GAN: variants seen among roughly 807,000 people sequenced by gnomAD.
The protein encoded by GAN is gigaxonin, also known as epididymis secretory sperm binding protein.
A neutral mutation model predicts 71.3 loss-of-function variants in GAN; 48 were observed. That is an observed-to-expected ratio of 0.67 (90% CI 0.53 to 0.86). GAN has a LOEUF of 0.86. Ranked by LOEUF, GAN falls within the 40% of genes least tolerant of loss-of-function variation. The pLI is 0.00. For synonymous variants in GAN, 386 were observed against 276.8 expected, an observed-to-expected ratio of 1.39 and a Z score of -3.92; for missense variants, 928 against 770.1, an observed-to-expected ratio of 1.21 and a Z score of -2.43.
chr16:81,356,834 C>A lies in GAN; in HGVS notation c.683C>A (p.Ser228Tyr), dbSNP rs1301648787. ...GCTCTGTGGGTTTCAGGGTTGGACT[C>A]CAGTTATTTACGGGAACAGATGCTG... ...MSALWVSGLD[S>Y]SYLREQMLNE... The change falls in exon 4 of 11, where the codon TCC (serine) becomes TAC (tyrosine). Residue 228 changes from serine to tyrosine, a missense_variant. Transcript: ENST00000648994. 3 of 1,613,850 alleles carry A rather than the reference C, an allele frequency of 1.9e-6. No individual in the cohort carries two copies. Among genetic ancestry groups the A allele is most frequent in the Non-Finnish European group, 2.5e-6 (3 of 1,179,796 alleles).
In GAN at chr16:81,382,684, T is replaced by C. The variant is rs1422079487; in HGVS notation, c.*5088T>C. The stretch of plus-strand genomic sequence containing the variant: ...GGATGAGAAGGGGCCCATTTGCCCA[T>C]ATTTGATAACACAGACTTGGATTGA... On this transcript the variant is annotated 3_prime_UTR_variant, in exon 11 of 11. Transcript: ENST00000648994. 2 of 152,174 alleles carry C rather than the reference T, an allele frequency of 1.3e-5. No individual in the cohort carries two copies. Among genetic ancestry groups the C allele is most frequent in the African/African-American group, 4.8e-5 (2 of 41,466 alleles). The allele number at this position is 152,174 out of a possible 1,614,324, so 9.4% of individuals were successfully genotyped here. A position where few individuals can be genotyped will look rare whatever the true frequency, so the allele number is the denominator to read the frequency against.
chr16:81,341,951 A>C (rs1909957310), intron 1 of GAN, among the ~76,000 whole-genome samples: 1 of 152,226 alleles, frequency 6.6e-6, no homozygotes, highest in South Asian at 2.1e-4. Flanking sequence ...CTACCAAGCA[A>C]ATGGAAAGCA....
intron 9 of GAN, among the ~76,000 whole-genome samples, chr16:81,373,830 C>T (rs1209435212): frequency 2.0e-5 from 3 of 152,204 alleles, no homozygotes; most frequent in African/African-American, 7.2e-5. Context: ...GCAACCTCCG[C>T]CTCCTGGGTT....
chr16:81,320,799 C>G (rs1024133104), intron 1 of GAN, among the ~76,000 whole-genome samples: 7 of 152,110 alleles, frequency 4.6e-5, no homozygotes, highest in African/African-American at 1.7e-4. Context: ...TTTAAGGGAT[C>G]TAGACTTTGT....
In GAN at chr16:81,356,981, C is replaced by G. The variant is rs755554709; in HGVS notation, c.830C>G (p.Thr277Ser). The G allele has an allele frequency of 3.7e-6, 6 of 1,607,982 alleles. No individual in the cohort carries two copies. The highest frequency in any genetic ancestry group is 1.3e-5 in the African/African-American group (1 of 74,778). The change falls in exon 4 of 11, where the codon ACT (threonine) becomes AGT (serine). Residue 277 changes from threonine to serine, a missense_variant. Transcript: ENST00000648994. Reference sequence around the variant, plus strand: ...CGGGGCTACTCTGAGTGCATCGTGACTGTTGGTGGAGAAGAGAGAGTGTAA... The same window carrying G: ...CGGGGCTACTCTGAGTGCATCGTGAGTGTTGGTGGAGAAGAGAGAGTGTAA... ...KPRGYSECIV[T>S]VGGEERVSRK...
At chr16:81,353,657 T>A (rs1910382439) in intron 2 of GAN, among the ~76,000 whole-genome samples, 1 of 152,204 alleles carries the variant, frequency 6.6e-6, no homozygotes, top group Non-Finnish European at 1.5e-5. Context: ...TTTGGGGTCG[T>A]CCACTTAGGA....
intron 1 of GAN, among the ~76,000 whole-genome samples, chr16:81,322,085 C>G (rs1405901668): frequency 3.3e-5 from 5 of 152,146 alleles, no homozygotes; most frequent in Non-Finnish European, 7.3e-5. Flanking sequence ...GTGACTTAGC[C>G]ATAGAATGAT....
rs1904275284 is a variant in GAN, at chr16:81,374,262, T to G, written c.1503-2957T>G. Among the ~76,000 whole-genome samples, 8 of 152,366 alleles carry G rather than the reference T, an allele frequency of 5.3e-5. No individual in the cohort carries two copies. In the South Asian group the frequency reaches 1.7e-3, roughly 32 times the overall value. ...TGCCTTATTGCTGGTGACATTAACCTTGATGACTTGGTTAAGGTGGTATCT... is the reference window on the plus strand; with the variant it reads ...TGCCTTATTGCTGGTGACATTAACCGTGATGACTTGGTTAAGGTGGTATCT... On this transcript the variant is annotated intron_variant, in intron 9 of 10. Coordinates refer to ENST00000648994, the MANE Select transcript of GAN (RefSeq NM_022041.4).
At chr16:81,343,166 C>A (rs1029784082) in intron 1 of GAN, among the ~76,000 whole-genome samples, 8 of 152,146 alleles carry the variant, frequency 5.3e-5, no homozygotes, top group African/African-American at 1.9e-4. Context: ...AAGTCCAGGA[C>A]CAGACGGATT....
Position 81,364,992 on chromosome 16 carries a change from A to G in GAN, c.1255A>G (p.Met419Val), listed in dbSNP as rs1165850529. Reference protein sequence around the residue: ...MVRKIGCYAAMKKKIYAMGGG... With the variant: ...MVRKIGCYAAVKKKIYAMGGG... ...CTTTCAGATCGGCTGCTATGCAGCTATGAAAAAGAAAATCTACGCCATGGG... is the reference window on the plus strand; with the variant it reads ...CTTTCAGATCGGCTGCTATGCAGCTGTGAAAAAGAAAATCTACGCCATGGG... Residue 419 changes from methionine to valine, a missense_variant, in exon 8 of 11, where the codon ATG becomes GTG. Physicochemically the swap from Met to Val is conservative, Grantham distance 21. Coordinates refer to ENST00000648994, the MANE Select transcript of GAN (RefSeq NM_022041.4). The G allele has an allele frequency of 3.1e-6, 5 of 1,614,062 alleles. No individual in the cohort carries two copies. Among genetic ancestry groups the G allele is most frequent in the South Asian group, 1.1e-5 (1 of 91,076 alleles).
At chr16:81,334,679 T>A (rs1039814603) in intron 1 of GAN, among the ~76,000 whole-genome samples, 1 of 152,100 alleles carries the variant, frequency 6.6e-6, no homozygotes, top group Non-Finnish European at 1.5e-5. Context: ...CTGGGGCCGA[T>A]ATGGAGAGAA....
At position 81,387,268 on chromosome 16, in the gene GAN, G is replaced by T. The variant is rs1044752293; in HGVS notation, c.*9672G>T. ...AATTTCAGAAAAAAGTTTTGTTGCG[G>T]GGGGTGGGATATTGATCATTTGAAC... On this transcript the variant is annotated 3_prime_UTR_variant, in exon 11 of 11. Coordinates refer to ENST00000648994, the MANE Select transcript of GAN (RefSeq NM_022041.4). The T allele has an allele frequency of 6.6e-6, 1 of 152,176 alleles. No homozygotes were observed. Among genetic ancestry groups the T allele is most frequent in the Non-Finnish European group, 1.5e-5 (1 of 68,048 alleles). 9.4% of individuals were successfully genotyped at this position (152,176 alleles called of 1,614,324 possible).
At position 81,360,504 on chromosome 16, in the gene GAN, T is replaced by G. The variant is rs112210889; in HGVS notation, c.974-1995T>G. On this transcript the variant is annotated intron_variant, in intron 5 of 10. Transcript: ENST00000648994. ...TTTTTGTCTCACTGTGCTGTTTTCT[T>G]GATTATTATCTTTTGATTTATCTTC... Among the ~76,000 whole-genome samples, 5 of 152,294 alleles carry G rather than the reference T, an allele frequency of 3.3e-5. 1 individual carries two copies. Among genetic ancestry groups the G allele is most frequent in the African/African-American group, 1.2e-4 (5 of 41,582 alleles).
rs541164583 is a variant in GAN at position 81,378,324 on chromosome 16, G to A, written c.*728G>A. On this transcript the variant is annotated 3_prime_UTR_variant, in exon 11 of 11. Coordinates refer to ENST00000648994, the MANE Select transcript of GAN (RefSeq NM_022041.4). ...TCTGTGTTGACTTAGATCAAGACAC[G>A]TCACGCATCCTTTCTGGGGTAGTAC... 3 of 152,950 alleles carry A rather than the reference G, an allele frequency of 2.0e-5. No individual in the cohort carries two copies. The highest frequency in any genetic ancestry group is 4.4e-5 in the Non-Finnish European group (3 of 68,630). 9.5% of individuals were successfully genotyped at this position (152,950 alleles called of 1,614,324 possible).
At position 81,377,501 on chromosome 16, in the gene GAN, C is replaced by T. The variant is rs886052335; in HGVS notation, c.1699C>T (p.Arg567Cys). ...TKPLLPSDLR[R>C]TGCAALRIAN... ...ACCACTCCTTCCATCCGACCTTCGC[C>T]GTACAGGATGTGCAGCCTTACGCAT... The change falls in exon 11 of 11, where the codon CGT becomes TGT. Residue 567 changes from arginine to cysteine, a missense_variant. Physicochemically the swap from Arg to Cys is radical, Grantham distance 180. Transcript: ENST00000648994. The T allele has an allele frequency of 5.0e-6, 8 of 1,614,004 alleles. No homozygotes were observed. Among genetic ancestry groups the T allele is most frequent in the South Asian group, 1.1e-5 (1 of 91,086 alleles).
At chr16:81,372,260 C>G (rs1039396883) in intron 9 of GAN, among the ~76,000 whole-genome samples, 1 of 152,206 alleles carries the variant, frequency 6.6e-6, no homozygotes, top group African/African-American at 2.4e-5. Context: ...ATGATATTGC[C>G]TTGTTCATTG....
intron 1 of GAN, among the ~76,000 whole-genome samples, chr16:81,329,059 A>G (rs1909483669): frequency 6.6e-6 from 1 of 152,218 alleles, no homozygotes; most frequent in Non-Finnish European, 1.5e-5. Context: ...CTAATTAGAC[A>G]TAATGATGAT....
intron 5 of GAN, among the ~76,000 whole-genome samples, chr16:81,360,603 T>G (rs1023223044): frequency 2.8e-4 from 42 of 152,142 alleles, no homozygotes; most frequent in African/African-American, 1.0e-3. Context: ...CTACAAATTC[T>G]TGTCTTTTTA....
rs928264956 is a variant in GAN, at chr16:81,384,855, A to G, written c.*7259A>G. On this transcript the variant is annotated 3_prime_UTR_variant, in exon 11 of 11. Transcript: ENST00000648994. ...TGTCTGTCAGCTTGCCTGGTCACCA[A>G]GTCAGGAGGAAGAAGATGAGGAGGC... 2.6e-5 allele frequency: 4 copies of G among 152,918 alleles called. No individual in the cohort carries two copies. The highest frequency in any genetic ancestry group is 4.4e-5 in the Non-Finnish European group (3 of 68,022). 9.5% of individuals were successfully genotyped at this position (152,918 alleles called of 1,614,324 possible).
Sources: allele counts gnomAD v4.1 joint callset (sites outside exome capture counted in the v4.1 genomes callset), GRCh38; gene constraint gnomAD v4.1.1; transcripts MANE v1.5; gene names NCBI Gene and HGNC (gene_info 2026-07-23, HGNC 2026-07-21).